The following PTPRD variants were observed in gnomAD, a reference collection of about 807,000 sequenced individuals.
PTPRD encodes the protein receptor-type tyrosine-protein phosphatase delta.
Under a neutral mutation model 214.5 loss-of-function variants are expected in PTPRD, and 34 were observed. That is an observed-to-expected ratio of 0.16 (90% CI 0.12 to 0.21). The LOEUF is 0.21. Ranked by LOEUF, PTPRD falls within the 10% of genes least tolerant of loss-of-function variation. The pLI is 1.00. For missense variants in PTPRD, 2,545 were observed against 2,398.7 expected, an observed-to-expected ratio of 1.06 and a Z score of -1.27; for synonymous variants, 1,128 against 845.7, an observed-to-expected ratio of 1.33 and a Z score of -5.79.
chr9:8,419,881 TGA>T (rs1260513079), intron 35 of PTPRD, among the ~76,000 whole-genome samples: 2 of 152,062 alleles, frequency 1.3e-5, no homozygotes, highest in African/African-American at 4.8e-5. Context: ...TCCAAAAATC[TGA>T]GAGTCTGAAG....
At chr9:9,261,281 G>C (rs576761544) in intron 9 of PTPRD, among the ~76,000 whole-genome samples, 2 of 151,850 alleles carry the variant, frequency 1.3e-5, no homozygotes, top group African/African-American at 4.8e-5. Flanking sequence ...TCATTTTTTA[G>C]AATGTTTATT....
intron 4 of PTPRD, among the ~76,000 whole-genome samples, chr9:9,996,725 A>G (rs1162943593): frequency 1.3e-5 from 2 of 152,204 alleles, no homozygotes; most frequent in African/African-American, 2.4e-5. Flanking sequence ...GCTGACCACT[A>G]TAAGGTCCTC....
At chr9:8,809,665 T>C (rs1375308098) in intron 11 of PTPRD, among the ~76,000 whole-genome samples, 2 of 152,162 alleles carry the variant, frequency 1.3e-5, no homozygotes, top group East Asian at 3.9e-4. Context: ...CTACATCTTA[T>C]CTCCATTGAT....
chr9:10,247,716 G>T (rs1028818419), intron 3 of PTPRD, among the ~76,000 whole-genome samples: 1 of 152,062 alleles, frequency 6.6e-6, no homozygotes, highest in African/African-American at 2.4e-5. Flanking sequence ...TTTCATTTTG[G>T]CTGACTTCCC....
At chr9:10,120,037 G>C (rs2098762615) in intron 3 of PTPRD, among the ~76,000 whole-genome samples, 1 of 151,996 alleles carries the variant, frequency 6.6e-6, no homozygotes, top group Non-Finnish European at 1.5e-5. Flanking sequence ...GCTTTATGTA[G>C]CATGAAAGGT....
At chr9:8,952,454 TA>T (rs1026757441) in intron 11 of PTPRD, among the ~76,000 whole-genome samples, 1 of 152,002 alleles carries the variant, frequency 6.6e-6, no homozygotes, top group African/African-American at 2.4e-5. Flanking sequence ...CCATATCAAC[TA>T]AACATAACTA....
chr9:10,272,822 T>C (rs2094492267), intron 3 of PTPRD, among the ~76,000 whole-genome samples: 1 of 152,214 alleles, frequency 6.6e-6, no homozygotes, highest in Admixed American at 6.5e-5. Context: ...TAATATATGG[T>C]TAAGAGAACT....
intron 12 of PTPRD, among the ~76,000 whole-genome samples, chr9:8,727,631 G>C (rs117320653): frequency 0.022 from 3,301 of 151,562 alleles, 56 homozygotes; most frequent in Middle Eastern, 0.048. Context: ...TTTTGTTTTG[G>C]TTTAGGTGTT....
At position 8,911,290 on chromosome 9, in the gene PTPRD, C is replaced by T. The variant is rs541761862; in HGVS notation, c.-104+107407G>A. Among the ~76,000 whole-genome samples, 5 of 152,188 alleles carry T rather than the reference C, an allele frequency of 3.3e-5. No homozygotes were observed. The East Asian group carries it at 7.7e-4, about 24-fold the overall frequency. ...AAGTGAGACTCCAGAAATAAACCCT[C>T]GTATTTAAGGTCAATTGATTTTTGA... is the stretch of plus-strand genomic sequence containing the variant. On this transcript the variant is annotated intron_variant, in intron 11 of 45. Transcript: ENST00000381196.
chr9:9,641,630 A>G (rs1345255835), intron 7 of PTPRD, among the ~76,000 whole-genome samples: 1 of 152,222 alleles, frequency 6.6e-6, no homozygotes, highest in East Asian at 1.9e-4. Context: ...ATGTAAGAAA[A>G]GCCCACCAAC....
intron 10 of PTPRD, among the ~76,000 whole-genome samples, chr9:9,080,847 C>T (rs2099757964): frequency 6.6e-6 from 1 of 151,954 alleles, no homozygotes; most frequent in Non-Finnish European, 1.5e-5. Flanking sequence ...GGTGATATCC[C>T]CTTTATCATT....
chr9:10,397,086 G>C (rs994645799), intron 2 of PTPRD, among the ~76,000 whole-genome samples: 1 of 151,988 alleles, frequency 6.6e-6, no homozygotes, highest in Non-Finnish European at 1.5e-5. Flanking sequence ...AACTAGTCCA[G>C]AAAATGTGTC....
intron 4 of PTPRD, among the ~76,000 whole-genome samples, chr9:9,984,424 C>A (rs2095640721): frequency 6.6e-6 from 1 of 152,092 alleles, no homozygotes; most frequent in African/African-American, 2.4e-5. Context: ...TAGTTGTAAC[C>A]CACAGGATGA....
At chr9:9,714,070 A>G (rs866759204) in intron 7 of PTPRD, among the ~76,000 whole-genome samples, 36 of 143,758 alleles carry the variant, frequency 2.5e-4, no homozygotes, top group African/African-American at 9.4e-4. Flanking sequence ...CATCTTTTAC[A>G]AGATGTTGTT....
rs12002129 is a variant in PTPRD at position 9,931,111 on chromosome 9, C to T, written c.-368+7396G>A. Among the ~76,000 whole-genome samples, 501 of 152,078 alleles carry T rather than the reference C, an allele frequency of 3.3e-3. 3 individuals are homozygous for T. Among genetic ancestry groups the T allele is most frequent in the African/African-American group, 0.011 (471 of 41,476 alleles). On this transcript the variant is annotated intron_variant, in intron 5 of 45. Transcript: ENST00000381196. ...ATTCTTCTATCCTATTTTTATGAAA[C>T]AATTTAATTGACAATTTTCAAAATT...
chr9:8,953,653 C>G (rs2099115538), intron 11 of PTPRD, among the ~76,000 whole-genome samples: 1 of 151,530 alleles, frequency 6.6e-6, no homozygotes, highest in Non-Finnish European at 1.5e-5. Context: ...ATCAAAAAGT[C>G]AAAAACAAAT....
intron 6 of PTPRD, among the ~76,000 whole-genome samples, chr9:9,742,097 T>C (rs1048036707): frequency 6.6e-6 from 1 of 152,186 alleles, no homozygotes; most frequent in African/African-American, 2.4e-5. Context: ...TTCGCCATTC[T>C]AACTAGTGTG....
intron 11 of PTPRD, among the ~76,000 whole-genome samples, chr9:9,007,163 T>A (rs929764975): frequency 6.6e-6 from 1 of 151,908 alleles, no homozygotes; most frequent in Non-Finnish European, 1.5e-5. Flanking sequence ...CATTTCAAAC[T>A]GTGATGAGGT....
intron 2 of PTPRD, among the ~76,000 whole-genome samples, chr9:10,422,787 T>C (rs2098557238): frequency 6.6e-6 from 1 of 152,014 alleles, no homozygotes; most frequent in African/African-American, 2.4e-5. Flanking sequence ...ATGGCGATCA[T>C]TAAAAAGTCA....
Sources: gnomAD v4.1 joint callset for allele counts (sites outside exome capture counted in the v4.1 genomes callset) on GRCh38, gnomAD v4.1.1 for gene constraint, MANE v1.5 for transcripts, NCBI Gene and HGNC (gene_info 2026-07-23, HGNC 2026-07-21) for gene names.